The following ANGPT2 variants were observed in gnomAD, a reference collection of about 807,000 sequenced individuals.
The protein encoded by ANGPT2 is angiopoietin-2.
A neutral mutation model predicts 62.9 loss-of-function variants in ANGPT2; 28 were observed. That is an observed-to-expected ratio of 0.44 (90% CI 0.33 to 0.61). The LOEUF (loss-of-function observed/expected upper bound fraction) is 0.61. ANGPT2 is among the 20% of genes least tolerant of loss of function. The pLI is 0.03. For synonymous variants in ANGPT2, 284 were observed against 207.8 expected, an observed-to-expected ratio of 1.37 and a Z score of -3.15; for missense variants, 727 against 594.9, an observed-to-expected ratio of 1.22 and a Z score of -2.31.
intron 7 of ANGPT2, among the ~76,000 whole-genome samples, chr8:6,509,780 T>C (rs550122750): frequency 6.6e-6 from 1 of 152,306 alleles, no homozygotes; most frequent in East Asian, 1.9e-4. Flanking sequence ...AGCTTAGCTC[T>C]AGCCTTCCTT....
chr8:6,528,180 T>G (rs1818747890), intron 2 of ANGPT2, among the ~76,000 whole-genome samples: 1 of 152,154 alleles, frequency 6.6e-6, no homozygotes, highest in South Asian at 2.1e-4. Context: ...TTACAGGCAT[T>G]AGCCACTGCA....
intron 8 of ANGPT2, among the ~76,000 whole-genome samples, chr8:6,503,890 A>G (rs1192152621): frequency 6.6e-6 from 1 of 152,216 alleles, no homozygotes; most frequent in Non-Finnish European, 1.5e-5. Context: ...GCTTGGCCAA[A>G]AACAGGAGCA....
At chr8:6,515,071 C>G (rs1815988692) in intron 5 of ANGPT2, among the ~76,000 whole-genome samples, 1 of 151,114 alleles carries the variant, frequency 6.6e-6, no homozygotes, top group Non-Finnish European at 1.5e-5. Flanking sequence ...ACCCTGATGG[C>G]TGGTCCAGAG....
rs17063434 is a variant in ANGPT2 at position 6,513,782 on chromosome 8, A to G, written c.1092T>C (p.Asn364=). The G allele has an allele frequency of 0.056, 91,168 of 1,613,782 alleles. 2,748 individuals carry two copies. The highest frequency in any genetic ancestry group is 0.081 in the African/African-American group (6,070 of 75,010). The change falls in exon 7 of 9, where the codon AAT becomes AAC. Residue 364 remains asparagine, a synonymous_variant. Transcript: ENST00000629816. ...LGNEFVSQLT[N]QQRYVLKIHL... Reference sequence around the variant, plus strand: ...GTATTTTAAGCACATAGCGTTGCTGATTAGTCAGTTGCGAAACAAACTCAT... The same window carrying G: ...GTATTTTAAGCACATAGCGTTGCTGGTTAGTCAGTTGCGAAACAAACTCAT...
intron 8 of ANGPT2, among the ~76,000 whole-genome samples, chr8:6,503,906 G>T (rs371020843): frequency 1.3e-5 from 2 of 152,296 alleles, no homozygotes; most frequent in East Asian, 3.9e-4. Context: ...GAGCATGCTG[G>T]GGTTTGTGAG....
In ANGPT2 at chr8:6,524,212, C is replaced by T. The variant is rs576715270; in HGVS notation, c.567-2802G>A. Among the ~76,000 whole-genome samples the T allele has an allele frequency of 7.2e-5, 11 of 151,972 alleles. No homozygotes were observed. In the South Asian group the frequency reaches 1.5e-3, roughly 20 times the overall value. The stretch of plus-strand genomic sequence containing the variant: ...ACCTCATATTCCCTTTTTTGAGTCC[C>T]GTATAAGTCAGCTGTCTTATTTAAT... On this transcript the variant is annotated intron_variant, in intron 3 of 8. Coordinates refer to ENST00000629816, the MANE Select transcript of ANGPT2 (RefSeq NM_001118887.2).
intron 3 of ANGPT2, 147 bp downstream of exon 3, chr8:6,527,408 C>T: frequency 1.1e-6 from 1 of 935,718 alleles, no homozygotes; most frequent in South Asian, 1.9e-5. Context: ...TCTCCAAGCC[C>T]TCTCCCTTCT....
intron 8 of ANGPT2, among the ~76,000 whole-genome samples, chr8:6,504,841 G>A (rs1440841998): frequency 2.6e-5 from 4 of 152,052 alleles, no homozygotes; most frequent in Non-Finnish European, 5.9e-5. Flanking sequence ...TATACACATA[G>A]GGTTTGATAC....
chr8:6,506,761 C>CA (rs1813805486), intron 8 of ANGPT2, among the ~76,000 whole-genome samples: 1 of 148,634 alleles, frequency 6.7e-6, no homozygotes, highest in Non-Finnish European at 1.5e-5. Context: ...CATATTATCT[C>CA]AGGAACCAGA....
At position 6,527,585 on chromosome 8, in the gene ANGPT2, C is replaced by A. The variant is rs1818571630; in HGVS notation, c.536G>T (p.Ser179Ile). The A allele has an allele frequency of 5.0e-6, 8 of 1,613,978 alleles. No homozygotes were observed. In the East Asian group the frequency reaches 1.8e-4, roughly 36 times the overall value. The change falls in exon 3 of 9, where the codon AGT becomes ATT. Residue 179 changes from serine to isoleucine, a missense_variant. Transcript: ENST00000629816. ...KLEKQILDQT[S>I]EINKLQDKNS... ...CTTATCTTGCAATTTGTTTATTTCA[C>A]TGGTCTGGTCCAAAATCTGTTTTTC...
intron 7 of ANGPT2, among the ~76,000 whole-genome samples, chr8:6,511,347 A>G (rs1175145540): frequency 6.6e-6 from 1 of 152,100 alleles, no homozygotes; most frequent in Non-Finnish European, 1.5e-5. Context: ...ACAGTGGAGT[A>G]AAGAGGTAAC....
At chr8:6,531,186 G>C (rs73507122) in intron 2 of ANGPT2, among the ~76,000 whole-genome samples, 3 of 151,504 alleles carry the variant, frequency 2.0e-5, no homozygotes, top group African/African-American at 7.3e-5. Context: ...CAGGCCGTTC[G>C]CTGGGTCACA....
chr8:6,536,035 C>T (rs1198089458), intron 1 of ANGPT2, among the ~76,000 whole-genome samples: 3 of 151,618 alleles, frequency 2.0e-5, no homozygotes, highest in Non-Finnish European at 4.4e-5. Flanking sequence ...GCAGCTTGGG[C>T]GACAGAGTGA....
At chr8:6,513,968 G>C in intron 6 of ANGPT2, 124 bp from the exon 7 acceptor site, 1 of 912,132 alleles carries the variant, frequency 1.1e-6, no homozygotes, top group Non-Finnish European at 1.6e-6. Flanking sequence ...CTGGTGCTGT[G>C]ACAATTTAGG....
intron 1 of ANGPT2, among the ~76,000 whole-genome samples, chr8:6,545,682 A>G (rs1481687972): frequency 6.6e-6 from 1 of 152,240 alleles, no homozygotes; most frequent in Admixed American, 6.5e-5. Flanking sequence ...TGTGGTTCCC[A>G]TTAGTCTAAA....
At chr8:6,534,777 T>A (rs17623064) in intron 1 of ANGPT2, among the ~76,000 whole-genome samples, 30,244 of 152,200 alleles carry the variant, frequency 0.2, 3,707 homozygotes, top group Admixed American at 0.28. Context: ...GGCTTTTTAG[T>A]GTGTGTGATC....
In ANGPT2 at chr8:6,514,660, T is replaced by G. The variant is rs1815886938; in HGVS notation, c.1029+17A>C. On this transcript the variant is annotated intron_variant, in intron 6 of 8. Coordinates refer to ENST00000629816, the MANE Select transcript of ANGPT2 (RefSeq NM_001118887.2). ...ACAAGGGAAATTCTTTTCTGATGCC[T>G]TAAAGAATGTCCTTACCACTTTATA... The G allele has an allele frequency of 6.2e-7, 1 of 1,607,404 alleles. No individual in the cohort carries two copies. The highest frequency in any genetic ancestry group is 8.5e-7 in the Non-Finnish European group (1 of 1,174,070).
intron 1 of ANGPT2, among the ~76,000 whole-genome samples, chr8:6,559,235 A>ACACACACG (rs1363593097): frequency 1.7e-5 from 2 of 117,820 alleles, no homozygotes; most frequent in Non-Finnish European, 3.0e-5. Context: ...ACGACAACAC[A>ACACACACG]CACACACACA....
intron 3 of ANGPT2, 124 bp downstream of exon 3, chr8:6,527,431 G>C: frequency 8.4e-7 from 1 of 1,189,896 alleles, no homozygotes; most frequent in Non-Finnish European, 1.2e-6. Flanking sequence ...TCCCTCATGA[G>C]GTTTCTGACC....
Sources: gnomAD v4.1 joint callset for allele counts (sites outside exome capture counted in the v4.1 genomes callset) on GRCh38, gnomAD v4.1.1 for gene constraint, MANE v1.5 for transcripts, NCBI Gene and HGNC (gene_info 2026-07-23, HGNC 2026-07-21) for gene names.